Variants in ZNF766 observed in about 807,000 individuals in gnomAD.
The protein encoded by ZNF766 is zinc finger protein 766.
ZNF766 carries 13 observed loss-of-function variants against 13.2 expected under a neutral mutation model. The ratio of observed to expected loss-of-function variants is 0.98; its 90% confidence interval spans 0.64 to 1.56. The LOEUF is 1.56. Among genes scored for constraint, ZNF766 ranks in the 40% most tolerant of loss-of-function variants. The probability of loss-of-function intolerance (pLI) is 0.00; values close to 1 mark genes in which losing one functional copy is unlikely to be tolerated. For synonymous variants in ZNF766, 178 were observed against 187.6 expected, an observed-to-expected ratio of 0.95 and a Z score of 0.42; for missense variants, 521 against 552.2, an observed-to-expected ratio of 0.94 and a Z score of 0.57.
intron 1 of ZNF766, among the ~76,000 whole-genome samples, chr19:52,272,001 A>AG (rs71180432): frequency 6.1e-5 from 9 of 148,342 alleles, no homozygotes; most frequent in Admixed American, 2.7e-4. Flanking sequence ...AAAAAAAAAA[A>AG]GCACAGATGA....
intron 3 of ZNF766, 108 bp from the exon 4 acceptor site, chr19:52,289,958 G>A (rs1250759804): frequency 3.3e-5 from 37 of 1,120,500 alleles, no homozygotes; most frequent in East Asian, 1.5e-4. Context: ...CCGAGATCGT[G>A]CCACTGCACT....
intron 3 of ZNF766, chr19:52,288,052 G>C: frequency 2.5e-6 from 1 of 407,688 alleles, no homozygotes; most frequent in Non-Finnish European, 4.7e-6. Context: ...ATGGAGTCCT[G>C]TTCTGTCGCC....
Position 52,290,876 on chromosome 19 carries a change from A to G in ZNF766, c.1085A>G (p.Lys362Arg). 1.2e-6 allele frequency: 2 copies of G among 1,614,182 alleles called. No homozygotes were observed. The highest frequency in any genetic ancestry group is 1.7e-5 in the Admixed American group (1 of 60,022). Residue 362 changes from lysine (K) to arginine (R), a missense_variant, in exon 4 of 4, where the codon AAA (lysine) becomes AGA (arginine). By Grantham distance (26) the Lys-to-Arg change is conservative (BLOSUM62 2). Coordinates refer to ENST00000439461, the MANE Select transcript of ZNF766 (RefSeq NM_001010851.3). ...EKPYKCKECD[K>R]AFRHKFSLTV... is the part of the protein sequence containing the mutation. Reference sequence around the variant, plus strand: ...CCTTACAAATGTAAAGAATGTGACAAAGCTTTTAGGCACAAGTTCTCCCTG... The same window carrying G: ...CCTTACAAATGTAAAGAATGTGACAGAGCTTTTAGGCACAAGTTCTCCCTG...
chr19:52,274,448 C>T (rs1243649195), intron 1 of ZNF766: 1 of 152,404 alleles, frequency 6.6e-6, no homozygotes, highest in African/African-American at 2.4e-5. Flanking sequence ...CGGAAACAAA[C>T]CTAGTGCGTT....
At chr19:52,283,511 C>T in intron 3 of ZNF766, 98 bp downstream of exon 3, 1 of 1,398,154 alleles carries the variant, frequency 7.2e-7, no homozygotes, top group Non-Finnish European at 9.4e-7. Context: ...CATCATAGCT[C>T]ACTGCAGCTT....
intron 1 of ZNF766, among the ~76,000 whole-genome samples, chr19:52,272,399 C>A (rs111399401): frequency 1.3e-5 from 2 of 152,112 alleles, no homozygotes; most frequent in South Asian, 4.1e-4. Context: ...TTACCAGTTT[C>A]CTCTGCTGGT....
At chr19:52,271,424 G>C (rs1980967950) in intron 1 of ZNF766, among the ~76,000 whole-genome samples, 1 of 152,072 alleles carries the variant, frequency 6.6e-6, no homozygotes, top group African/African-American at 2.4e-5. Context: ...AACCAGTAAA[G>C]GGAAGAGATC....
chr19:52,288,169 T>C (rs10417979), intron 3 of ZNF766: 68,570 of 282,176 alleles, frequency 0.24, 9,319 homozygotes, highest in African/African-American at 0.42. Context: ...TGTGAGCACA[T>C]GCCACCATGT....
chr19:52,287,947 T>C (rs1252894259), intron 3 of ZNF766: 2 of 412,648 alleles, frequency 4.8e-6, no homozygotes, highest in Non-Finnish European at 9.3e-6. Context: ...TGACTTTCTC[T>C]AGTGCTTCTC....
intron 1 of ZNF766, chr19:52,275,524 A>G (rs1354422922): frequency 6.6e-6 from 1 of 152,182 alleles, no homozygotes; most frequent in Admixed American, 6.5e-5. Flanking sequence ...GTAGTAGTGT[A>G]CAGTCATGTC....
Position 52,287,079 on chromosome 19 carries a change from C to T in ZNF766, c.275-2987C>T, listed in dbSNP as rs546889696. 8.7e-4 allele frequency among the ~76,000 whole-genome samples: 133 copies of T among 152,250 alleles called. No individual in the cohort carries two copies. The South Asian group carries it at 8.9e-3, about 10-fold the overall frequency. ...CGAACTCCTGACCTCAGGTGATCTG[C>T]CTGCCTCAGCCTCCCAAAGTGCTGG... On this transcript the variant is annotated intron_variant, in intron 3 of 3. Coordinates refer to ENST00000439461, the MANE Select transcript of ZNF766 (RefSeq NM_001010851.3).
intron 1 of ZNF766, among the ~76,000 whole-genome samples, chr19:52,279,788 T>C (rs1404436844): frequency 7.1e-6 from 1 of 140,808 alleles, no homozygotes; most frequent in African/African-American, 2.7e-5. Context: ...ATTTACCTTT[T>C]CTTTTTTTTT....
chr19:52,278,665 A>G (rs994959998), intron 1 of ZNF766, among the ~76,000 whole-genome samples: 23 of 152,168 alleles, frequency 1.5e-4, no homozygotes, highest in Admixed American at 7.2e-4. Context: ...TCAGCCTCCC[A>G]AAGTGCTGGG....
chr19:52,282,448 C>G, intron 2 of ZNF766: 1 of 370,842 alleles, frequency 2.7e-6, no homozygotes, highest in East Asian at 7.0e-5. Context: ...CCAACCTGAC[C>G]AAAATGATAA....
In ZNF766 at chr19:52,277,084, G is replaced by C. The variant is rs551776419; in HGVS notation, c.19-5027G>C. 2.5e-5 allele frequency: 25 copies of C among 1,004,522 alleles called. No homozygotes were observed. The African/African-American group carries it at 4.0e-4, about 16-fold the overall frequency. 62.2% of individuals were successfully genotyped at this position (1,004,522 alleles called of 1,614,324 possible). The stretch of plus-strand genomic sequence containing the variant: ...TTCCACAGGGTGAGGTCTTCCCTGC[G>C]TGTGTGGTTGTGGCACAGGAAGAAA... On this transcript the variant is annotated intron_variant, in intron 1 of 3. Transcript: ENST00000439461.
chr19:52,285,122 T>C (rs1195307201), intron 3 of ZNF766: 1 of 152,222 alleles, frequency 6.6e-6, no homozygotes, highest in Non-Finnish European at 1.5e-5. Flanking sequence ...AGTAAGGGAC[T>C]TGAGCATCAC....
intron 1 of ZNF766, chr19:52,281,570 A>T: frequency 3.0e-6 from 1 of 332,506 alleles, no homozygotes; most frequent in East Asian, 9.6e-5. Context: ...TGGCAGTAAG[A>T]ATAGTAATGT....
chr19:52,290,114 A>G lies in ZNF766; in HGVS notation c.323A>G (p.Asn108Ser), dbSNP rs1460165368. The G allele has an allele frequency of 1.2e-6, 2 of 1,613,994 alleles. No individual in the cohort carries two copies. The highest frequency in any genetic ancestry group is 1.1e-5 in the South Asian group (1 of 91,034). ...RSKAGNKPIT[N>S]QLGLTFQLPL... ...AAAGCAGGAAACAAGCCTATTACAA[A>G]TCAACTTGGATTAACCTTTCAGTTA... is the stretch of plus-strand genomic sequence containing the variant. Residue 108 changes from asparagine to serine, a missense_variant, in exon 4 of 4, where the codon AAT (asparagine) becomes AGT (serine). Physicochemically the swap from Asn to Ser is conservative, Grantham distance 46. Coordinates refer to ENST00000439461, the MANE Select transcript of ZNF766 (RefSeq NM_001010851.3).
Position 52,293,481 on chromosome 19 carries a change from T to A in ZNF766, c.*2283T>A, listed in dbSNP as rs1054389489. ...TGAGCCACGGCGCCTGGCCAGGATT[T>A]TTAAGGTTGAAGCATCCACAACAAT... On this transcript the variant is annotated 3_prime_UTR_variant, in exon 4 of 4. Coordinates refer to ENST00000439461, the MANE Select transcript of ZNF766 (RefSeq NM_001010851.3). The A allele has an allele frequency of 2.0e-5, 3 of 152,002 alleles. No individual in the cohort carries two copies. The highest frequency in any genetic ancestry group is 7.3e-5 in the African/African-American group (3 of 41,376). The allele number at this position is 152,002 out of a possible 1,614,324, so 9.4% of individuals were successfully genotyped here.
Sources: allele counts gnomAD v4.1 joint callset (sites outside exome capture counted in the v4.1 genomes callset), GRCh38; gene constraint gnomAD v4.1.1; transcripts MANE v1.5; gene names NCBI Gene and HGNC (gene_info 2026-07-23, HGNC 2026-07-21).